Variants in IKBKB-DT observed in about 807,000 individuals in gnomAD.
IKBKB-DT encodes the protein IKBKB antisense RNA.
Position 42,244,113 on chromosome 8 carries a change from G to A in IKBKB-DT, n.1530-10254C>T, listed in dbSNP as rs571715814. Among the ~76,000 whole-genome samples the A allele has an allele frequency of 9.9e-5, 15 of 152,260 alleles. 1 individual carries two copies. The South Asian group carries it at 2.5e-3, about 25-fold the overall frequency. ...TTCCCTCAATTATATTTATGAAAAT[G>A]TTTCACAAAATGTATTCCTTATTTT... On this transcript the variant is annotated intron_variant and non_coding_transcript_variant, in intron 3 of 3. Transcript: ENST00000518213.
chr8:42,244,643 T>C (rs567344211), intron 3 of IKBKB-DT, among the ~76,000 whole-genome samples: 1 of 152,272 alleles, frequency 6.6e-6, no homozygotes, highest in African/African-American at 2.4e-5. Context: ...TGGGCCTAAG[T>C]GATCCTTCTG....
intron 3 of IKBKB-DT, among the ~76,000 whole-genome samples, chr8:42,246,920 T>C (rs923341631): frequency 6.6e-5 from 10 of 152,130 alleles, no homozygotes; most frequent in South Asian, 2.1e-4. Context: ...TAGATTATCA[T>C]AGGGAGCAGA....
chr8:42,249,932 A>T (rs1320146358), intron 3 of IKBKB-DT, among the ~76,000 whole-genome samples: 1 of 151,198 alleles, frequency 6.6e-6, no homozygotes, highest in Non-Finnish European at 1.5e-5. Flanking sequence ...AAAAAAAAAA[A>T]TTCAGCTGGG....
intron 3 of IKBKB-DT, among the ~76,000 whole-genome samples, chr8:42,251,962 C>T (rs1807133947): frequency 6.6e-6 from 1 of 152,184 alleles, no homozygotes; most frequent in African/African-American, 2.4e-5. Context: ...GGGCATAAGG[C>T]AGACTGAGAG....
chr8:42,254,224 GT>G (rs370564351), intron 3 of IKBKB-DT, among the ~76,000 whole-genome samples: 12 of 152,152 alleles, frequency 7.9e-5, no homozygotes, highest in Admixed American at 3.3e-4. Flanking sequence ...GTGCATAATA[GT>G]TTTTTTTACT....
chr8:42,257,714 A>C (rs1807225039), intron 3 of IKBKB-DT, among the ~76,000 whole-genome samples: 1 of 152,092 alleles, frequency 6.6e-6, no homozygotes, highest in Non-Finnish European at 1.5e-5. Flanking sequence ...CAGGAGGATC[A>C]CTTGAGCCCA....
chr8:42,251,355 C>T (rs986355205), intron 3 of IKBKB-DT, among the ~76,000 whole-genome samples: 1 of 152,158 alleles, frequency 6.6e-6, no homozygotes, highest in Non-Finnish European at 1.5e-5. Flanking sequence ...TAAACTGATA[C>T]CTGATTTGCT....
intron 1 of IKBKB-DT, among the ~76,000 whole-genome samples, chr8:42,268,794 T>A (rs1807416322): frequency 6.6e-6 from 1 of 152,020 alleles, no homozygotes; most frequent in Admixed American, 6.6e-5. Context: ...CTCAAATTCC[T>A]GACCTCAAGT....
chr8:42,235,836 T>A (rs1806912944), intron 3 of IKBKB-DT, among the ~76,000 whole-genome samples: 1 of 152,048 alleles, frequency 6.6e-6, no homozygotes, highest in Non-Finnish European at 1.5e-5. Context: ...TAAGAACCAA[T>A]TGGCTCAGCC....
chr8:42,250,569 C>T (rs1196921730), intron 3 of IKBKB-DT, among the ~76,000 whole-genome samples: 1 of 152,142 alleles, frequency 6.6e-6, no homozygotes, highest in Non-Finnish European at 1.5e-5. Context: ...CTAAATGTCT[C>T]CCAAAGTTAT....
At chr8:42,243,241 T>G (rs774969465) in intron 3 of IKBKB-DT, among the ~76,000 whole-genome samples, 7 of 152,220 alleles carry the variant, frequency 4.6e-5, no homozygotes, top group Non-Finnish European at 1.0e-4. Context: ...GTAAATTGAC[T>G]GTTATCTCTC....
intron 3 of IKBKB-DT, among the ~76,000 whole-genome samples, chr8:42,237,128 C>T (rs1314624806): frequency 6.6e-6 from 1 of 151,840 alleles, no homozygotes; most frequent in Non-Finnish European, 1.5e-5. Context: ...TCACTGTTGC[C>T]CAGGCTGGAG....
At chr8:42,271,204 G>C (rs1807631004) in exon 1 of IKBKB-DT, 2 of 600,238 alleles carry the variant, frequency 3.3e-6, no homozygotes, top group Admixed American at 2.6e-5. Context: ...TCGCCCGGTC[G>C]AGGGTCCCGG....
intron 3 of IKBKB-DT, among the ~76,000 whole-genome samples, chr8:42,256,460 T>A (rs185663474): frequency 1.3e-5 from 2 of 150,992 alleles, no homozygotes; most frequent in Admixed American, 6.6e-5. Flanking sequence ...TAATCCAAGC[T>A]ACTCAAGTGG....
Position 42,249,589 on chromosome 8 carries a change from G to T in IKBKB-DT, n.1529+13740C>A, listed in dbSNP as rs189603994. On this transcript the variant is annotated intron_variant and non_coding_transcript_variant, in intron 3 of 3. Coordinates refer to ENST00000518213, the Ensembl canonical transcript of IKBKB-DT. ...AGAACCTACAAAGCTCTACTAGAAGGCCATGCATTCAAAAAGGCCCTGGAG... is the reference window on the plus strand; with the variant it reads ...AGAACCTACAAAGCTCTACTAGAAGTCCATGCATTCAAAAAGGCCCTGGAG... 3.3e-4 allele frequency among the ~76,000 whole-genome samples: 50 copies of T among 152,092 alleles called. 1 individual carries two copies. Among genetic ancestry groups the T allele is most frequent in the Admixed American group, 2.6e-3 (40 of 15,232 alleles).
At chr8:42,269,395 GA>G (rs796748304) in intron 1 of IKBKB-DT, among the ~76,000 whole-genome samples, 5 of 125,114 alleles carry the variant, frequency 4.0e-5, no homozygotes, top group African/African-American at 9.0e-5. Context: ...AGAAAGGAAA[GA>G]AAAAAAAGAA....
At chr8:42,250,698 C>T (rs1281210706) in intron 3 of IKBKB-DT, among the ~76,000 whole-genome samples, 1 of 152,104 alleles carries the variant, frequency 6.6e-6, no homozygotes, top group Non-Finnish European at 1.5e-5. Flanking sequence ...CAGATCTTTC[C>T]CACTGCCATC....
At chr8:42,256,581 T>A (rs973098339) in intron 3 of IKBKB-DT, among the ~76,000 whole-genome samples, 1 of 151,870 alleles carries the variant, frequency 6.6e-6, no homozygotes, top group South Asian at 2.1e-4. Context: ...TCAAAAAAAA[T>A]AATAATAATT....
intron 3 of IKBKB-DT, among the ~76,000 whole-genome samples, chr8:42,237,997 C>T (rs1352744020): frequency 7.4e-6 from 1 of 135,602 alleles, no homozygotes; most frequent in Non-Finnish European, 1.5e-5. Context: ...TGCACTCCAG[C>T]CTGGGCAACA....
Sources: allele counts gnomAD v4.1 joint callset (sites outside exome capture counted in the v4.1 genomes callset), GRCh38; gene constraint gnomAD v4.1.1; transcripts MANE v1.5; gene names NCBI Gene and HGNC (gene_info 2026-07-23, HGNC 2026-07-21).